SMAGP: variants seen among roughly 807,000 people sequenced by gnomAD.
SMAGP encodes the protein small cell adhesion glycoprotein, also known as small cell transmembrane and glycosylated protein.
In SMAGP, 7 loss-of-function variants were observed where a neutral mutation model predicts 10.1. That is an observed-to-expected ratio of 0.70 (90% CI 0.40 to 1.31). The LOEUF (loss-of-function observed/expected upper bound fraction) is 1.31. Ranked by LOEUF, SMAGP falls within the 50% of genes most tolerant of loss-of-function variation. SMAGP has a pLI of 0.01. For synonymous variants in SMAGP, 49 were observed against 47.2 expected (o/e 1.04, Z -0.16); for missense variants, 113 against 116.5 (o/e 0.97, Z 0.14).
intron 2 of SMAGP, among the ~76,000 whole-genome samples, chr12:51,250,830 T>A (rs1450727106): frequency 6.6e-6 from 1 of 152,170 alleles, no homozygotes; most frequent in Non-Finnish European, 1.5e-5. Flanking sequence ...TTTTAACAGA[T>A]GATGGCAAAA....
Position 51,246,069 on chromosome 12 carries a change from A to T in SMAGP, c.166T>A (p.Phe56Ile), listed in dbSNP as rs760527402. 6 of 1,614,034 alleles carry T rather than the reference A, an allele frequency of 3.7e-6. No individual in the cohort carries two copies. The South Asian group carries it at 5.5e-5, about 15-fold the overall frequency. The change falls in exon 4 of 4, where the codon TTC becomes ATC. Residue 56 changes from phenylalanine (F) to isoleucine (I), a missense_variant. Coordinates refer to ENST00000603798, the MANE Select transcript of SMAGP (RefSeq NM_001031628.2). ...CCTTTGTTCTTGTACAGGTAAAAGA[A>T]GATCAAGATCACGACCGAGAGCAGG... Reference protein sequence around the residue: ...LTLLSVVILIFFYLYKNKGSY... With the variant: ...LTLLSVVILIIFYLYKNKGSY...
chr12:51,258,120 T>C (rs1944901676), intron 2 of SMAGP, among the ~76,000 whole-genome samples: 1 of 152,142 alleles, frequency 6.6e-6, no homozygotes, highest in Non-Finnish European at 1.5e-5. Context: ...TGAGCTATGA[T>C]TGTGCCATAG....
chr12:51,259,629 A>T (rs749602397), intron 2 of SMAGP, among the ~76,000 whole-genome samples: 53 of 152,088 alleles, frequency 3.5e-4, no homozygotes, highest in Non-Finnish European at 7.1e-4. Flanking sequence ...GGGGGTCCCT[A>T]AAAAAACCAC....
intron 2 of SMAGP, among the ~76,000 whole-genome samples, chr12:51,265,953 G>A (rs1423418688): frequency 2.6e-5 from 4 of 152,036 alleles, no homozygotes. Context: ...GTGGTGGTGG[G>A]CGCCTGTAGT....
intron 2 of SMAGP, among the ~76,000 whole-genome samples, chr12:51,255,732 C>A (rs1249963875): frequency 6.6e-6 from 1 of 152,206 alleles, no homozygotes; most frequent in Non-Finnish European, 1.5e-5. Context: ...GTACCCTGCA[C>A]AAGTGCACAG....
chr12:51,256,480 G>T (rs1206823043), intron 2 of SMAGP, among the ~76,000 whole-genome samples: 1 of 152,140 alleles, frequency 6.6e-6, no homozygotes, highest in African/African-American at 2.4e-5. Flanking sequence ...CCAGCAATTT[G>T]GGAGGCAGAG....
chr12:51,270,240 C>G lies in SMAGP; in HGVS notation c.-39+16G>C, dbSNP rs528060798. 4.7e-3 allele frequency: 725 copies of G among 153,452 alleles called. 7 individuals are homozygous for G. Among genetic ancestry groups the G allele is most frequent in the Middle Eastern group, 0.01 (3 of 296 alleles). The allele number at this position is 153,452 out of a possible 1,614,324, so 9.5% of individuals were successfully genotyped here. ...GACCCGGCTCTCCGGCGCCCCCGCC[C>G]TTCCCTCGTGCTCACCTTTCCAGTC... On this transcript the variant is annotated intron_variant, in intron 1 of 3. Transcript: ENST00000603798.
At chr12:51,260,649 A>G (rs1944924585) in intron 2 of SMAGP, among the ~76,000 whole-genome samples, 1 of 141,996 alleles carries the variant, frequency 7.0e-6, no homozygotes, top group Admixed American at 7.3e-5. Flanking sequence ...AAATGCTGGG[A>G]TTACAGGCGT....
At chr12:51,267,848 C>A (rs765326971) in intron 2 of SMAGP, among the ~76,000 whole-genome samples, 4 of 152,126 alleles carry the variant, frequency 2.6e-5, no homozygotes, top group Non-Finnish European at 4.4e-5. Context: ...GTGTGCATTA[C>A]CAGTCACAGA....
chr12:51,266,582 G>A (rs1329358019), intron 2 of SMAGP, among the ~76,000 whole-genome samples: 1 of 151,824 alleles, frequency 6.6e-6, no homozygotes, highest in African/African-American at 2.4e-5. Context: ...TGTTATAGTT[G>A]TTCTATTTTA....
In SMAGP at chr12:51,269,336, G is replaced by A. The variant is rs1945005588; in HGVS notation, c.-38-20C>T. Reference sequence around the variant, plus strand: ...GCAGATCTGTAGGAAGAGGGGCAAAGACAGGAATGTAGCGGGTGGGCCCCT... The same window carrying A: ...GCAGATCTGTAGGAAGAGGGGCAAAAACAGGAATGTAGCGGGTGGGCCCCT... On this transcript the variant is annotated intron_variant, in intron 1 of 3. Transcript: ENST00000603798. The A allele has an allele frequency of 1.2e-6, 2 of 1,603,802 alleles. No homozygotes were observed. The highest frequency in any genetic ancestry group is 1.7e-6 in the Non-Finnish European group (2 of 1,170,748).
At chr12:51,259,546 G>T (rs1008299010) in intron 2 of SMAGP, among the ~76,000 whole-genome samples, 1 of 152,088 alleles carries the variant, frequency 6.6e-6, no homozygotes. Flanking sequence ...TTGCTCTTAG[G>T]TTCAGGAAGC....
chr12:51,270,069 C>T (rs1374536509), intron 1 of SMAGP, 187 bp downstream of exon 1: 4 of 151,754 alleles, frequency 2.6e-5, no homozygotes, highest in Non-Finnish European at 5.9e-5. Flanking sequence ...CAGCACCCCG[C>T]GGAGCGCGCT....
At chr12:51,264,360 A>T (rs1944954504) in intron 2 of SMAGP, among the ~76,000 whole-genome samples, 2 of 152,228 alleles carry the variant, frequency 1.3e-5, no homozygotes, top group Non-Finnish European at 2.9e-5. Flanking sequence ...CAGCCAGGTG[A>T]GGTGGCTTGC....
chr12:51,256,585 T>C (rs1944886269), intron 2 of SMAGP, among the ~76,000 whole-genome samples: 1 of 152,048 alleles, frequency 6.6e-6, no homozygotes, highest in Non-Finnish European at 1.5e-5. Flanking sequence ...GCCGGGGTGG[T>C]GGCGCATGCC....
intron 2 of SMAGP, among the ~76,000 whole-genome samples, chr12:51,262,560 C>T (rs924805138): frequency 5.3e-5 from 8 of 152,234 alleles, no homozygotes; most frequent in Middle Eastern, 3.4e-3. Context: ...TGGCTTATAG[C>T]TTTTCCCCCA....
At chr12:51,267,337 C>T (rs77156071) in intron 2 of SMAGP, among the ~76,000 whole-genome samples, 1,757 of 151,902 alleles carry the variant, frequency 0.012, 20 homozygotes, top group Non-Finnish European at 0.018. Flanking sequence ...CAGGTACACA[C>T]GAAAAAGGTA....
rs867826955 is a variant in SMAGP, at chr12:51,259,010, A to C, written c.34+10235T>G. Among the ~76,000 whole-genome samples, 8 of 149,812 alleles carry C rather than the reference A, an allele frequency of 5.3e-5. No individual in the cohort carries two copies. In the East Asian group the frequency reaches 5.8e-4, roughly 11 times the overall value. On this transcript the variant is annotated intron_variant, in intron 2 of 3. Coordinates refer to ENST00000603798, the MANE Select transcript of SMAGP (RefSeq NM_001031628.2). ...AAAAAAAAAAAAAAAAAAAAAAAAAAACCTGATAGTTGAACCCTGAGGAGG... is the reference window on the plus strand; with the variant it reads ...AAAAAAAAAAAAAAAAAAAAAAAAACACCTGATAGTTGAACCCTGAGGAGG...
chr12:51,249,506 G>A (rs1226990585), intron 2 of SMAGP, among the ~76,000 whole-genome samples: 2 of 152,134 alleles, frequency 1.3e-5, no homozygotes, highest in African/African-American at 4.8e-5. Flanking sequence ...GGAACTGCTT[G>A]CTTGCTTGCT....
Sources: allele counts gnomAD v4.1 joint callset (sites outside exome capture counted in the v4.1 genomes callset), GRCh38; gene constraint gnomAD v4.1.1; transcripts MANE v1.5; gene names NCBI Gene and HGNC (gene_info 2026-07-23, HGNC 2026-07-21).